The following CDH23 variants were observed in gnomAD, a reference collection of about 807,000 sequenced individuals.
CDH23 encodes cadherin-23.
A neutral mutation model predicts 317.1 loss-of-function variants in CDH23; 189 were observed. The ratio of observed to expected loss-of-function variants is 0.60; its 90% CI spans 0.53 to 0.67. The LOEUF (loss-of-function observed/expected upper bound fraction) is 0.67. CDH23 is among the 30% of genes least tolerant of loss of function. The pLI, the probability that CDH23 is intolerant of heterozygous loss-of-function variation, is 0.00. For synonymous variants in CDH23, 1,839 were observed against 1,876.8 expected, an observed-to-expected ratio of 0.98 and a Z score of 0.52; for missense variants, 4,401 against 4,592.4, an observed-to-expected ratio of 0.96 and a Z score of 1.20.
chr10:71,809,791 G>A (rs1323706729), intron 60 of CDH23, 29 bp from the exon 61 acceptor site: 1 of 1,602,964 alleles, frequency 6.2e-7, no homozygotes, highest in Non-Finnish European at 8.5e-7. Context: ...GAGTCTCTGA[G>A]CCGTACCCCG....
chr10:71,499,434 T>A (rs943795476), intron 3 of CDH23, among the ~76,000 whole-genome samples: 1 of 152,010 alleles, frequency 6.6e-6, no homozygotes, highest in African/African-American at 2.4e-5. Flanking sequence ...TAGTGGCACA[T>A]GCTTGTAATC....
At chr10:71,435,114 G>C (rs1849561490) in intron 1 of CDH23, among the ~76,000 whole-genome samples, 1 of 152,164 alleles carries the variant, frequency 6.6e-6, no homozygotes, top group Non-Finnish European at 1.5e-5. Context: ...TGGGAGCCTG[G>C]CCATGATGGC....
Position 71,751,243 on chromosome 10 carries a change from C to G in CDH23, c.4845+9322C>G. The G allele has an allele frequency of 6.2e-7, 1 of 1,606,824 alleles. No homozygotes were observed. Among genetic ancestry groups the G allele is most frequent in the Non-Finnish European group, 8.5e-7 (1 of 1,176,158 alleles). ...ACCCAGCCACAACAGCCCACTGTCC[C>G]CCAGCTGGGCTAGATGACCTCAAAG... is the stretch of plus-strand genomic sequence containing the variant. On this transcript the variant is annotated intron_variant, in intron 38 of 69. Coordinates refer to ENST00000224721, the MANE Select transcript of CDH23 (RefSeq NM_022124.6). The surrounding 1 kb of genome is among the most constrained non-coding windows in gnomAD (Gnocchi z 4.9).
chr10:71,779,527 A>G, intron 41 of CDH23, 80 bp downstream of exon 41: 3 of 1,262,686 alleles, frequency 2.4e-6, no homozygotes, highest in Non-Finnish European at 3.2e-6. Context: ...GGAGGTCTCA[A>G]GGCATTTGGC....
intron 17 of CDH23, among the ~76,000 whole-genome samples, chr10:71,680,233 C>T (rs942437264): frequency 1.3e-5 from 2 of 152,222 alleles, no homozygotes; most frequent in Non-Finnish European, 2.9e-5. Flanking sequence ...TCCTCCTTGC[C>T]CCTTGGTCCT....
chr10:71,673,963 C>T (rs1864251899), intron 14 of CDH23, among the ~76,000 whole-genome samples: 1 of 152,162 alleles, frequency 6.6e-6, no homozygotes, highest in Admixed American at 6.5e-5. Context: ...CTGGGATGAG[C>T]TCTGAGCCTG....
At position 71,806,012 on chromosome 10, in the gene CDH23, C is replaced by A; in HGVS notation, c.8064+15C>A. ...CGGTGTACAGCGTAAGGGCGGGGCCCGGTGCGAGGGGCGGGGTCTGGGGCG... is the reference window on the plus strand; with the variant it reads ...CGGTGTACAGCGTAAGGGCGGGGCCAGGTGCGAGGGGCGGGGTCTGGGGCG... On this transcript the variant is annotated intron_variant, in intron 56 of 69. Transcript: ENST00000224721. The A allele has an allele frequency of 1.9e-6, 1 of 525,778 alleles. No individual in the cohort carries two copies. Among genetic ancestry groups the A allele is most frequent in the South Asian group, 1.6e-5 (1 of 63,204 alleles). 32.6% of individuals were successfully genotyped at this position (525,778 alleles called of 1,614,324 possible).
At chr10:71,740,682 C>A in intron 36 of CDH23, 140 bp from the exon 37 acceptor site, 1 of 1,193,252 alleles carries the variant, frequency 8.4e-7, no homozygotes, top group Non-Finnish European at 1.2e-6. Context: ...CCAGGGCTGG[C>A]CAGGCCACCC....
chr10:71,786,466 T>G (rs934895657), intron 44 of CDH23, among the ~76,000 whole-genome samples: 39 of 149,908 alleles, frequency 2.6e-4, no homozygotes, highest in African/African-American at 9.3e-4. Flanking sequence ...CCCTCCCATG[T>G]GGTGCTCCTC....
chr10:71,435,371 T>C (rs1032065758), intron 1 of CDH23, among the ~76,000 whole-genome samples: 1 of 152,234 alleles, frequency 6.6e-6, no homozygotes, highest in African/African-American at 2.4e-5. Flanking sequence ...GTTTCACTTA[T>C]TTGACACCTA....
chr10:71,692,577 T>C (rs1185719726), intron 20 of CDH23, among the ~76,000 whole-genome samples: 1 of 152,228 alleles, frequency 6.6e-6, no homozygotes, highest in Non-Finnish European at 1.5e-5. Context: ...GTGTGGCTCG[T>C]TGGGCAGACC....
At chr10:71,456,850 A>G (rs959660559) in intron 3 of CDH23, among the ~76,000 whole-genome samples, 1 of 152,240 alleles carries the variant, frequency 6.6e-6, no homozygotes, top group African/African-American at 2.4e-5. Flanking sequence ...TAACTCACAC[A>G]GGCTCACACA....
At chr10:71,565,433 A>G (rs901530250) in intron 6 of CDH23, among the ~76,000 whole-genome samples, 5 of 152,120 alleles carry the variant, frequency 3.3e-5, no homozygotes, top group African/African-American at 1.2e-4. Context: ...AGAACTTCCC[A>G]TTGGCAGAAT....
intron 9 of CDH23, among the ~76,000 whole-genome samples, chr10:71,609,174 GAGGT>G (rs1860708633): frequency 6.6e-6 from 1 of 151,918 alleles, no homozygotes; most frequent in African/African-American, 2.4e-5. Context: ...GAGGAAGAAA[GAGGT>G]AGGGGGATAA....
At chr10:71,712,571 C>A in intron 27 of CDH23, 94 bp from the exon 28 acceptor site, 1 of 1,468,334 alleles carries the variant, frequency 6.8e-7, no homozygotes, top group Non-Finnish European at 9.3e-7. Context: ...AACAGGGCAC[C>A]TCTCTGGCCG....
chr10:71,626,424 G>A (rs1239819731), intron 11 of CDH23, among the ~76,000 whole-genome samples: 2 of 152,176 alleles, frequency 1.3e-5, no homozygotes, highest in Admixed American at 6.5e-5. Context: ...GACAAGACCC[G>A]TGGCTCCATG....
intron 6 of CDH23, among the ~76,000 whole-genome samples, chr10:71,514,090 T>C (rs1325945553): frequency 6.6e-6 from 1 of 151,992 alleles, no homozygotes; most frequent in Admixed American, 6.6e-5. Context: ...TTGCTGAGAA[T>C]GTGCTGAGCT....
At chr10:71,431,833 A>G (rs1030503915) in intron 1 of CDH23, among the ~76,000 whole-genome samples, 31 of 151,290 alleles carry the variant, frequency 2.0e-4, no homozygotes, top group African/African-American at 7.5e-4. Context: ...CTGCCCTTGT[A>G]CCTCCTGACC....
chr10:71,457,625 A>G lies in CDH23; in HGVS notation c.145+11230A>G, dbSNP rs575292537. Among the ~76,000 whole-genome samples the G allele has an allele frequency of 9.1e-4, 138 of 152,340 alleles. 1 individual carries two copies. The highest frequency in any genetic ancestry group is 3.0e-3 in the African/African-American group (126 of 41,576). ...GAGGGGAGGTTGGCCAGCCCAGCTC[A>G]ATCTGGGAGACCAGGCCCCGGACTG... On this transcript the variant is annotated intron_variant, in intron 3 of 69. Coordinates refer to ENST00000224721, the MANE Select transcript of CDH23 (RefSeq NM_022124.6).
Sources: gnomAD v4.1 joint callset for allele counts (sites outside exome capture counted in the v4.1 genomes callset) on GRCh38, gnomAD v4.1.1 for gene constraint, Gnocchi (gnomAD v3.1) non-coding constraint, MANE v1.5 for transcripts, NCBI Gene and HGNC (gene_info 2026-07-23, HGNC 2026-07-21) for gene names.